Variants in NKAIN2 observed in about 807,000 individuals in gnomAD.
NKAIN2 encodes sodium/potassium-transporting ATPase subunit beta-1-interacting protein 2.
Under a neutral mutation model 32.6 loss-of-function variants are expected in NKAIN2, and 14 were observed. The ratio of observed to expected loss-of-function variants is 0.43; its 90% CI spans 0.28 to 0.67. NKAIN2 has a LOEUF of 0.67. Among genes scored for constraint, NKAIN2 ranks in the 30% least tolerant of loss-of-function variants. The pLI is 0.17. For synonymous variants in NKAIN2, 80 were observed against 87.2 expected (o/e 0.92, Z 0.46); for missense variants, 198 against 258.3 (o/e 0.77, Z 1.60).
At chr6:124,176,143 T>C (rs1323032211) in intron 1 of NKAIN2, among the ~76,000 whole-genome samples, 3 of 152,180 alleles carry the variant, frequency 2.0e-5, no homozygotes, top group Non-Finnish European at 4.4e-5. Context: ...AATTATGCAA[T>C]AGCATTATGT....
chr6:124,254,432 C>A (rs909384072), intron 1 of NKAIN2, among the ~76,000 whole-genome samples: 2 of 152,104 alleles, frequency 1.3e-5, no homozygotes, highest in African/African-American at 4.8e-5. Context: ...TTTCTTCTTG[C>A]TTTTTGTGGT....
intron 3 of NKAIN2, among the ~76,000 whole-genome samples, chr6:124,638,331 G>A (rs1358196683): frequency 6.6e-6 from 1 of 152,144 alleles, no homozygotes; most frequent in Non-Finnish European, 1.5e-5. Flanking sequence ...TAGGGAAAAT[G>A]TTTCATGACA....
At chr6:124,035,243 A>G (rs1781562418) in intron 1 of NKAIN2, among the ~76,000 whole-genome samples, 2 of 152,238 alleles carry the variant, frequency 1.3e-5, no homozygotes, top group East Asian at 1.9e-4. Flanking sequence ...TAATCTGGCC[A>G]TAAATAGTTG....
At chr6:124,130,375 G>A (rs540514453) in intron 1 of NKAIN2, among the ~76,000 whole-genome samples, 17 of 152,102 alleles carry the variant, frequency 1.1e-4, no homozygotes, top group South Asian at 6.2e-4. Flanking sequence ...TTCCTGTTGC[G>A]TCTCAAAAAC....
intron 3 of NKAIN2, among the ~76,000 whole-genome samples, chr6:124,541,152 A>G (rs1189835173): frequency 1.3e-5 from 2 of 152,152 alleles, no homozygotes; most frequent in Non-Finnish European, 2.9e-5. Flanking sequence ...TCCCTCTGTC[A>G]GCCAGTATTT....
chr6:124,466,003 G>T (rs896645746), intron 3 of NKAIN2, among the ~76,000 whole-genome samples: 5 of 152,022 alleles, frequency 3.3e-5, no homozygotes, highest in African/African-American at 4.8e-5. Context: ...AAACTCACAT[G>T]TATCAATATT....
intron 1 of NKAIN2, among the ~76,000 whole-genome samples, chr6:124,050,191 AC>A: frequency 6.6e-6 from 1 of 152,128 alleles, no homozygotes; most frequent in Non-Finnish European, 1.5e-5. Flanking sequence ...TGAAATGTTT[AC>A]CTTGACCCCA....
intron 3 of NKAIN2, among the ~76,000 whole-genome samples, chr6:124,473,448 C>T (rs1325625341): frequency 6.6e-6 from 1 of 151,982 alleles, no homozygotes; most frequent in Admixed American, 6.6e-5. Flanking sequence ...TTTTTTAATT[C>T]AAGAACATTT....
intron 5 of NKAIN2, among the ~76,000 whole-genome samples, chr6:124,812,470 G>A (rs1582568464): frequency 6.6e-6 from 1 of 152,240 alleles, no homozygotes; most frequent in East Asian, 1.9e-4. Flanking sequence ...TAAATCTCAT[G>A]TAGCTTGTAT....
At chr6:124,464,591 CTAA>C (rs1162857097) in intron 3 of NKAIN2, among the ~76,000 whole-genome samples, 1 of 151,848 alleles carries the variant, frequency 6.6e-6, no homozygotes, top group Non-Finnish European at 1.5e-5. Flanking sequence ...CATTAATTAC[CTAA>C]TGAGAAGAGT....
chr6:124,276,186 A>G (rs2626097), intron 1 of NKAIN2, among the ~76,000 whole-genome samples: 10,325 of 151,870 alleles, frequency 0.068, 1,000 homozygotes, highest in African/African-American at 0.22. Flanking sequence ...TTCTTTTTAA[A>G]GAAAAACCAT....
intron 1 of NKAIN2, among the ~76,000 whole-genome samples, chr6:124,052,174 G>C (rs1203346261): frequency 2.0e-5 from 3 of 152,004 alleles, no homozygotes; most frequent in African/African-American, 7.2e-5. Flanking sequence ...GTGTTACTCT[G>C]ACCATGTTAT....
intron 4 of NKAIN2, among the ~76,000 whole-genome samples, chr6:124,719,383 TATGACTATATAGGACTC>T (rs1473127004): frequency 6.6e-6 from 1 of 152,190 alleles, no homozygotes; most frequent in Non-Finnish European, 1.5e-5. Context: ...CTTATCACTA[TATGACTATATAGGACTC>T]TAATTCAGAA....
intron 1 of NKAIN2, among the ~76,000 whole-genome samples, chr6:123,891,011 C>T (rs916958780): frequency 6.6e-6 from 1 of 151,914 alleles, no homozygotes; most frequent in Non-Finnish European, 1.5e-5. Flanking sequence ...CCATTTAACC[C>T]TAAAAAGGAA....
chr6:124,383,760 T>C (rs1237541304), intron 3 of NKAIN2, among the ~76,000 whole-genome samples: 2 of 152,274 alleles, frequency 1.3e-5, no homozygotes, highest in East Asian at 3.9e-4. Context: ...CTGGACTTGT[T>C]AGGAAAAGCT....
At chr6:123,812,542 C>G (rs1773518977) in intron 1 of NKAIN2, among the ~76,000 whole-genome samples, 1 of 152,178 alleles carries the variant, frequency 6.6e-6, no homozygotes. Flanking sequence ...AGTCCAATTG[C>G]TGATGTTGCA....
chr6:124,617,508 C>T (rs1379426220), intron 3 of NKAIN2, among the ~76,000 whole-genome samples: 1 of 152,150 alleles, frequency 6.6e-6, no homozygotes, highest in Non-Finnish European at 1.5e-5. Flanking sequence ...CTATGATCTT[C>T]CTTCCTTGTA....
At chr6:124,228,408 C>T (rs1350310853) in intron 1 of NKAIN2, among the ~76,000 whole-genome samples, 1 of 152,142 alleles carries the variant, frequency 6.6e-6, no homozygotes, top group African/African-American at 2.4e-5. Flanking sequence ...AGACTTTCAG[C>T]CTCTGGAACT....
intron 1 of NKAIN2, among the ~76,000 whole-genome samples, chr6:123,941,033 T>A (rs1256517295): frequency 1.3e-5 from 2 of 151,900 alleles, no homozygotes; most frequent in East Asian, 3.9e-4. Flanking sequence ...TATTTTAAAA[T>A]TTTTATTTTA....
Sources: allele counts gnomAD v4.1 joint callset (sites outside exome capture counted in the v4.1 genomes callset), GRCh38; gene constraint gnomAD v4.1.1; transcripts MANE v1.5; gene names NCBI Gene and HGNC (gene_info 2026-07-23, HGNC 2026-07-21).